Variants in ATG5 observed in about 807,000 individuals in gnomAD.
ATG5 encodes the protein autophagy related 5.
In ATG5, 14 loss-of-function variants were observed where a neutral mutation model predicts 36.5. The ratio of observed to expected loss-of-function variants is 0.38; its 90% CI spans 0.25 to 0.60. ATG5 has a LOEUF of 0.60. Among genes scored for constraint, ATG5 ranks in the 20% least tolerant of loss-of-function variants. ATG5 has a pLI of 0.60. For missense variants in ATG5, 195 were observed against 326.7 expected (o/e 0.60, Z 3.11); for synonymous variants, 95 against 101.5 (o/e 0.94, Z 0.38).
At chr6:106,216,898 C>T (rs571682511) in intron 6 of ATG5, among the ~76,000 whole-genome samples, 2 of 151,242 alleles carry the variant, frequency 1.3e-5, no homozygotes, top group East Asian at 3.9e-4. Flanking sequence ...AATAAATAAA[C>T]AAATAAATAA....
chr6:106,246,402 A>T (rs868658969), intron 6 of ATG5, among the ~76,000 whole-genome samples: 13,891 of 142,290 alleles, frequency 0.098, 837 homozygotes, highest in South Asian at 0.14. Context: ...TCACACACAC[A>T]CACACACACA....
intron 6 of ATG5, among the ~76,000 whole-genome samples, chr6:106,212,723 C>T (rs943924014): frequency 2.0e-5 from 3 of 152,190 alleles, no homozygotes; most frequent in Admixed American, 2.0e-4. Context: ...TCACTTGACA[C>T]ACAATTTTGA....
chr6:106,323,260 C>CTT (rs71274321), intron 1 of ATG5, among the ~76,000 whole-genome samples: 9,680 of 64,270 alleles, frequency 0.15, 1,796 homozygotes, highest in Non-Finnish European at 0.18. Flanking sequence ...TGGAAAAGTC[C>CTT]TTTTTTTTTT....
chr6:106,298,027 C>T (rs151106788), intron 3 of ATG5, among the ~76,000 whole-genome samples: 247 of 148,540 alleles, frequency 1.7e-3, no homozygotes, highest in African/African-American at 5.6e-3. Context: ...TGCAGTTGTG[C>T]GATCTTGGCT....
intron 1 of ATG5, among the ~76,000 whole-genome samples, chr6:106,321,916 G>A (rs866290249): frequency 1.3e-5 from 2 of 152,112 alleles, no homozygotes; most frequent in Middle Eastern, 3.4e-3. Flanking sequence ...TTAAATAATG[G>A]GGAAAAATAT....
At chr6:106,304,541 T>G (rs1422122383) in intron 3 of ATG5, among the ~76,000 whole-genome samples, 2 of 151,918 alleles carry the variant, frequency 1.3e-5, no homozygotes, top group Non-Finnish European at 2.9e-5. Context: ...AGGATGAGTC[T>G]CAAAAACATT....
chr6:106,325,353 G>C (rs940980996), intron 1 of ATG5, 173 bp downstream of exon 1: 1 of 152,412 alleles, frequency 6.6e-6, no homozygotes, highest in Non-Finnish European at 1.5e-5. Flanking sequence ...GCTCCGGGCC[G>C]GCGTCTCGCC....
chr6:106,188,590 G>C (rs528228979), intron 7 of ATG5, among the ~76,000 whole-genome samples: 11 of 152,264 alleles, frequency 7.2e-5, no homozygotes, highest in African/African-American at 2.6e-4. Context: ...AAAGGCAAAA[G>C]ACCAACCATG....
At chr6:106,221,685 C>CAAAAAAAAA (rs11442463) in intron 6 of ATG5, among the ~76,000 whole-genome samples, 1 of 70,938 alleles carries the variant, frequency 1.4e-5, no homozygotes. Flanking sequence ...GACCCTGTCT[C>CAAAAAAAAA]AAAAAAAAAA....
chr6:106,308,959 T>A (rs777016464), intron 2 of ATG5, among the ~76,000 whole-genome samples: 1 of 152,138 alleles, frequency 6.6e-6, no homozygotes, highest in Non-Finnish European at 1.5e-5. Flanking sequence ...TGAGAGAGAA[T>A]GCTGAGCTAG....
At chr6:106,220,235 G>A (rs545213691) in intron 6 of ATG5, among the ~76,000 whole-genome samples, 2 of 152,276 alleles carry the variant, frequency 1.3e-5, no homozygotes, top group East Asian at 3.9e-4. Flanking sequence ...GTATGCATAT[G>A]TCAATATCTG....
intron 3 of ATG5, among the ~76,000 whole-genome samples, chr6:106,293,533 T>C (rs757676899): frequency 2.6e-5 from 4 of 152,210 alleles, no homozygotes; most frequent in Non-Finnish European, 4.4e-5. Context: ...CGCATGCAAA[T>C]CACCTATTCT....
intron 3 of ATG5, among the ~76,000 whole-genome samples, chr6:106,293,836 G>C (rs946943642): frequency 6.6e-6 from 1 of 152,046 alleles, no homozygotes; most frequent in Admixed American, 6.5e-5. Flanking sequence ...GATTTCAATG[G>C]ACAAACCTTA....
At chr6:106,250,333 C>T (rs900896337) in intron 5 of ATG5, among the ~76,000 whole-genome samples, 2 of 152,174 alleles carry the variant, frequency 1.3e-5, no homozygotes, top group African/African-American at 4.8e-5. Context: ...TAATCTTCAA[C>T]TCCAATGTGA....
Position 106,186,271 on chromosome 6 carries a change from A to G in ATG5, c.*269T>C, listed in dbSNP as rs539148837. 1.6e-5 allele frequency: 6 copies of G among 372,480 alleles called. No individual in the cohort carries two copies. Among genetic ancestry groups the G allele is most frequent in the Middle Eastern group, 7.4e-4 (1 of 1,358 alleles). 23.1% of individuals were successfully genotyped at this position (372,480 alleles called of 1,614,324 possible). ...TTCTTAGGCCAAAGGTTTCAGCTTC[A>G]TTATATTTTACAGAAGACCTTCAGT... is the stretch of plus-strand genomic sequence containing the variant. On this transcript the variant is annotated 3_prime_UTR_variant, in exon 8 of 8. Coordinates refer to ENST00000369076, the MANE Select transcript of ATG5 (RefSeq NM_004849.4).
intron 6 of ATG5, among the ~76,000 whole-genome samples, chr6:106,216,859 C>A (rs2114411962): frequency 6.6e-6 from 1 of 152,068 alleles, no homozygotes; most frequent in South Asian, 2.1e-4. Flanking sequence ...CCATACACAC[C>A]AGCCTGGGCA....
chr6:106,272,474 A>G (rs1183831421), intron 5 of ATG5, among the ~76,000 whole-genome samples: 1 of 152,234 alleles, frequency 6.6e-6, no homozygotes, highest in African/African-American at 2.4e-5. Flanking sequence ...CTCAGAACTT[A>G]GTAGGCTCTT....
At chr6:106,225,259 A>G (rs1177432872) in intron 6 of ATG5, among the ~76,000 whole-genome samples, 4 of 152,346 alleles carry the variant, frequency 2.6e-5, no homozygotes, top group African/African-American at 4.8e-5. Context: ...AAAAGCTCTC[A>G]ATCTTAACCA....
At chr6:106,281,680 G>C (rs1779883565) in intron 4 of ATG5, among the ~76,000 whole-genome samples, 2 of 152,106 alleles carry the variant, frequency 1.3e-5, no homozygotes, top group African/African-American at 4.8e-5. Context: ...CATCTTTCTT[G>C]GGTATACAGC....
Sources: allele counts gnomAD v4.1 joint callset (sites outside exome capture counted in the v4.1 genomes callset), GRCh38; gene constraint gnomAD v4.1.1; transcripts MANE v1.5; gene names NCBI Gene and HGNC (gene_info 2026-07-23, HGNC 2026-07-21).